Variants in RASAL2 observed in about 807,000 individuals in gnomAD.
RASAL2 encodes ras GTPase-activating protein nGAP.
Under a neutral mutation model 128.9 loss-of-function variants are expected in RASAL2, and 58 were observed. The ratio of observed to expected loss-of-function variants is 0.45; its 90% confidence interval spans 0.36 to 0.56. The LOEUF (loss-of-function observed/expected upper bound fraction) is 0.56, where lower values mean the gene tolerates loss of function less well. Ranked by LOEUF, RASAL2 falls within the 20% of genes least tolerant of loss-of-function variation. RASAL2 has a pLI of 0.00. For missense variants in RASAL2, 1,360 were observed against 1,601.6 expected (o/e 0.85, Z 2.57); for synonymous variants, 561 against 580.8 (o/e 0.97, Z 0.49).
intron 1 of RASAL2, among the ~76,000 whole-genome samples, chr1:178,150,530 C>T (rs898062481): frequency 5.3e-5 from 8 of 152,090 alleles, no homozygotes; most frequent in Non-Finnish European, 1.0e-4. Flanking sequence ...TACTGGTTTT[C>T]TCCATAGAAG....
intron 3 of RASAL2, among the ~76,000 whole-genome samples, chr1:178,303,018 A>G (rs1667834831): frequency 6.6e-6 from 1 of 152,096 alleles, no homozygotes; most frequent in South Asian, 2.1e-4. Context: ...CTCCATCTCA[A>G]AAAAAAACAA....
intron 3 of RASAL2, among the ~76,000 whole-genome samples, chr1:178,332,049 A>C (rs939632246): frequency 6.6e-6 from 1 of 152,190 alleles, no homozygotes; most frequent in Admixed American, 6.5e-5. Flanking sequence ...ACATGTATAG[A>C]TATGTAAAAT....
intron 5 of RASAL2, among the ~76,000 whole-genome samples, chr1:178,438,768 A>G (rs1163862891): frequency 6.6e-6 from 1 of 151,860 alleles, no homozygotes. Context: ...ATTCATGCTT[A>G]TATAGTAAAG....
chr1:178,127,352 A>C (rs1286252004), intron 1 of RASAL2, among the ~76,000 whole-genome samples: 1 of 152,156 alleles, frequency 6.6e-6, no homozygotes, highest in Non-Finnish European at 1.5e-5. Context: ...AATATTTTCT[A>C]TTCTGAAATA....
chr1:178,263,803 C>T (rs1028247860), intron 1 of RASAL2, among the ~76,000 whole-genome samples: 14 of 152,188 alleles, frequency 9.2e-5, no homozygotes, highest in East Asian at 1.9e-4. Context: ...GATCCTCCCC[C>T]ATCAGCCTCC....
At chr1:178,388,586 C>T (rs1672718509) in intron 3 of RASAL2, among the ~76,000 whole-genome samples, 2 of 152,068 alleles carry the variant, frequency 1.3e-5, no homozygotes, top group African/African-American at 4.8e-5. Context: ...TAGGAATGTT[C>T]CAATTTGGCT....
chr1:178,200,517 T>C (rs1237464979), intron 1 of RASAL2, among the ~76,000 whole-genome samples: 2 of 152,212 alleles, frequency 1.3e-5, no homozygotes, highest in Non-Finnish European at 2.9e-5. Flanking sequence ...AACTCGGGGC[T>C]TCTAACTGCT....
intron 1 of RASAL2, among the ~76,000 whole-genome samples, chr1:178,115,920 TAGAG>T (rs376024784): frequency 2.1e-4 from 32 of 152,152 alleles, no homozygotes; most frequent in African/African-American, 7.2e-4. Flanking sequence ...TTGGGAGAGA[TAGAG>T]AGATGTGTGA....
intron 1 of RASAL2, among the ~76,000 whole-genome samples, chr1:178,119,693 A>G (rs1022499384): frequency 6.6e-6 from 1 of 152,214 alleles, no homozygotes; most frequent in African/African-American, 2.4e-5. Context: ...ACATATTTTC[A>G]TGGATATCCT....
At chr1:178,253,847 G>A (rs532699015) in intron 1 of RASAL2, among the ~76,000 whole-genome samples, 1 of 152,232 alleles carries the variant, frequency 6.6e-6, no homozygotes, top group East Asian at 1.9e-4. Context: ...CACTTCTTTT[G>A]TGATTCTTCA....
chr1:178,377,720 A>G (rs538053201), intron 3 of RASAL2, among the ~76,000 whole-genome samples: 6 of 152,250 alleles, frequency 3.9e-5, no homozygotes, highest in African/African-American at 1.2e-4. Flanking sequence ...CATCCTGAGA[A>G]TTCATAATCA....
intron 4 of RASAL2, among the ~76,000 whole-genome samples, chr1:178,408,626 G>GTTTTTT (rs906805434): frequency 6.8e-6 from 1 of 146,060 alleles, no homozygotes; most frequent in Non-Finnish European, 1.5e-5. Context: ...TTTGTTTTTT[G>GTTTTTT]TTTTGCTTCT....
At chr1:178,290,856 T>C (rs1255951464) in intron 2 of RASAL2, among the ~76,000 whole-genome samples, 1 of 152,060 alleles carries the variant, frequency 6.6e-6, no homozygotes, top group Non-Finnish European at 1.5e-5. Context: ...TTTTGTATTT[T>C]TAGTAGAGAC....
intron 1 of RASAL2, among the ~76,000 whole-genome samples, chr1:178,224,767 A>G (rs991889079): frequency 6.6e-6 from 1 of 152,168 alleles, no homozygotes; most frequent in African/African-American, 2.4e-5. Flanking sequence ...TGTGTCATAA[A>G]ATAGGAAGTG....
At chr1:178,132,795 G>A (rs930849779) in intron 1 of RASAL2, among the ~76,000 whole-genome samples, 1 of 141,168 alleles carries the variant, frequency 7.1e-6, no homozygotes, top group African/African-American at 2.7e-5. Context: ...TTGAGACGGA[G>A]TCTTGCTCTG....
At chr1:178,296,111 G>C (rs868256985) in intron 2 of RASAL2, among the ~76,000 whole-genome samples, 1 of 151,218 alleles carries the variant, frequency 6.6e-6, no homozygotes, top group Non-Finnish European at 1.5e-5. Flanking sequence ...GTGTATATAT[G>C]TGTGTATATA....
chr1:178,273,312 G>T (rs1408210931), intron 1 of RASAL2, among the ~76,000 whole-genome samples: 1 of 152,176 alleles, frequency 6.6e-6, no homozygotes, highest in Non-Finnish European at 1.5e-5. Flanking sequence ...CTGTGTGTAT[G>T]ACTTTTATAA....
At chr1:178,345,723 A>G (rs1169819446) in intron 3 of RASAL2, among the ~76,000 whole-genome samples, 1 of 152,178 alleles carries the variant, frequency 6.6e-6, no homozygotes, top group African/African-American at 2.4e-5. Context: ...TAAATAAGTG[A>G]AGTGAAATAA....
chr1:178,330,882 G>C (rs1377468522), intron 3 of RASAL2, among the ~76,000 whole-genome samples: 2 of 152,104 alleles, frequency 1.3e-5, no homozygotes, highest in Non-Finnish European at 2.9e-5. Flanking sequence ...CCGGAATACT[G>C]TTTTTATTTT....
Sources: allele counts gnomAD v4.1 joint callset (sites outside exome capture counted in the v4.1 genomes callset), GRCh38; gene constraint gnomAD v4.1.1; transcripts MANE v1.5; gene names NCBI Gene and HGNC (gene_info 2026-07-23, HGNC 2026-07-21).